FAM227B: variants seen among roughly 807,000 people sequenced by gnomAD.
The protein encoded by FAM227B is family with sequence similarity 227 member B.
A neutral mutation model predicts 73.8 loss-of-function variants in FAM227B; 88 were observed. That is an observed-to-expected ratio of 1.19 (90% CI 1.00 to 1.42). FAM227B has a LOEUF of 1.42. Ranked by LOEUF, FAM227B falls within the 40% of genes most tolerant of loss-of-function variation. FAM227B has a pLI of 0.00. For missense variants in FAM227B, 632 were observed against 590.9 expected, an observed-to-expected ratio of 1.07 and a Z score of -0.72; for synonymous variants, 210 against 190.5, an observed-to-expected ratio of 1.10 and a Z score of -0.84.
intron 5 of FAM227B, among the ~76,000 whole-genome samples, chr15:49,578,469 C>CATAGATAGATAG (rs141756297): frequency 0.082 from 12,365 of 151,428 alleles, 545 homozygotes; most frequent in East Asian, 0.13. Context: ...TATAGACAGA[C>CATAGATAGATAG]ATAGATAGAT....
At chr15:49,505,422 A>C (rs529196831) in intron 11 of FAM227B, among the ~76,000 whole-genome samples, 2 of 152,270 alleles carry the variant, frequency 1.3e-5, no homozygotes, top group African/African-American at 4.8e-5. Flanking sequence ...CAAAAAGCTG[A>C]AAAAACATGT....
intron 13 of FAM227B, among the ~76,000 whole-genome samples, chr15:49,345,161 AT>A (rs1226868448): frequency 5.9e-5 from 9 of 152,166 alleles, no homozygotes; most frequent in Non-Finnish European, 1.5e-5. Flanking sequence ...CTTTGAACAA[AT>A]TTTGGATTTT....
intron 11 of FAM227B, chr15:49,424,188 A>G (rs2049927846): frequency 1.0e-6 from 1 of 1,003,058 alleles, no homozygotes; most frequent in African/African-American, 1.6e-5. Flanking sequence ...CTCTTTCTTA[A>G]ATCAATCTAC....
At chr15:49,335,396 A>T (rs747363571) in intron 14 of FAM227B, 23 bp downstream of exon 14, 2 of 1,487,538 alleles carry the variant, frequency 1.3e-6, no homozygotes, top group East Asian at 4.5e-5. Flanking sequence ...TTTATATTTA[A>T]CAATAGTATA....
intron 10 of FAM227B, among the ~76,000 whole-genome samples, chr15:49,511,168 T>C (rs1285099615): frequency 1.3e-5 from 2 of 152,086 alleles, no homozygotes; most frequent in African/African-American, 2.4e-5. Flanking sequence ...TTGAATATAA[T>C]ATAGAGAATT....
At chr15:49,350,834 C>T (rs2042136532) in intron 13 of FAM227B, among the ~76,000 whole-genome samples, 1 of 152,088 alleles carries the variant, frequency 6.6e-6, no homozygotes. Context: ...GTGAGCTGGG[C>T]CAATGGTAGG....
chr15:49,520,770 A>G (rs1002179969), intron 10 of FAM227B, among the ~76,000 whole-genome samples: 13 of 152,070 alleles, frequency 8.5e-5, no homozygotes, highest in African/African-American at 2.9e-4. Context: ...TCCATGACAC[A>G]TGGAAGCTAC....
intron 14 of FAM227B, 108 bp downstream of exon 14, chr15:49,335,311 C>T (rs772419136): frequency 2.8e-5 from 19 of 685,318 alleles, no homozygotes; most frequent in Non-Finnish European, 4.8e-5. Flanking sequence ...GATGCTCAGA[C>T]ATGACTCTCC....
intron 11 of FAM227B, among the ~76,000 whole-genome samples, chr15:49,440,040 A>C (rs1222714067): frequency 6.6e-6 from 1 of 151,738 alleles, no homozygotes; most frequent in East Asian, 1.9e-4. Context: ...AGAAGCACTG[A>C]TCTAGTCTAT....
intron 1 of FAM227B, among the ~76,000 whole-genome samples, chr15:49,617,145 C>T (rs1364096658): frequency 6.6e-6 from 1 of 152,110 alleles, no homozygotes; most frequent in Non-Finnish European, 1.5e-5. Context: ...GGCTTTCTAT[C>T]ACCATTTTAA....
At chr15:49,340,875 T>TAAA (rs2040614653) in intron 13 of FAM227B, among the ~76,000 whole-genome samples, 1 of 152,226 alleles carries the variant, frequency 6.6e-6, no homozygotes, top group African/African-American at 2.4e-5. Context: ...TAGGTTTTCT[T>TAAA]CTAGGATTCT....
At chr15:49,619,786 T>C (rs2078552884) in intron 1 of FAM227B, among the ~76,000 whole-genome samples, 1 of 152,232 alleles carries the variant, frequency 6.6e-6, no homozygotes. Flanking sequence ...TTATAGACTT[T>C]GCTATTCTAC....
At chr15:49,561,173 GA>G (rs1267449715) in intron 9 of FAM227B, among the ~76,000 whole-genome samples, 1 of 152,074 alleles carries the variant, frequency 6.6e-6, no homozygotes, top group Non-Finnish European at 1.5e-5. Flanking sequence ...CAGGGTTGGA[GA>G]AAGATCTACC....
At chr15:49,353,229 G>A (rs959726228) in intron 13 of FAM227B, among the ~76,000 whole-genome samples, 3 of 152,100 alleles carry the variant, frequency 2.0e-5, no homozygotes, top group African/African-American at 7.2e-5. Context: ...TGGAGAAGAG[G>A]CTCAAATTTG....
At chr15:49,367,633 G>T in intron 12 of FAM227B, 25 bp from the exon 13 acceptor site, 4 of 1,529,406 alleles carry the variant, frequency 2.6e-6, no homozygotes, top group Non-Finnish European at 3.5e-6. Context: ...AAATAATCAA[G>T]ACAACGATTA....
chr15:49,577,954 T>C (rs1166106546), intron 5 of FAM227B, among the ~76,000 whole-genome samples: 7 of 152,326 alleles, frequency 4.6e-5, no homozygotes, highest in South Asian at 2.1e-4. Context: ...CCCTGGGAAA[T>C]AGACTCTCTG....
At chr15:49,406,540 C>T (rs886788000) in intron 11 of FAM227B, among the ~76,000 whole-genome samples, 1 of 151,954 alleles carries the variant, frequency 6.6e-6, no homozygotes, top group Non-Finnish European at 1.5e-5. Flanking sequence ...AGCTTCACTC[C>T]CACAGCAGCA....
At position 49,403,169 on chromosome 15, in the gene FAM227B, G is replaced by A. The variant is rs529164323; in HGVS notation, c.1013-31770C>T. Reference sequence around the variant, plus strand: ...GGATAAGCTTTTGGATGTGCTGCTCGATTTAGTTTGCCAGTATTTGGTTGA... The same window carrying A: ...GGATAAGCTTTTGGATGTGCTGCTCAATTTAGTTTGCCAGTATTTGGTTGA... On this transcript the variant is annotated intron_variant, in intron 11 of 15. Transcript: ENST00000299338. 9.2e-5 allele frequency among the ~76,000 whole-genome samples: 14 copies of A among 152,248 alleles called. No homozygotes were observed. In the South Asian group the frequency reaches 1.2e-3, roughly 14 times the overall value.
intron 11 of FAM227B, among the ~76,000 whole-genome samples, chr15:49,439,033 T>C (rs1305200008): frequency 6.6e-6 from 1 of 151,708 alleles, no homozygotes; most frequent in Non-Finnish European, 1.5e-5. Flanking sequence ...GCTGAGTGGG[T>C]TGGTCTTAGG....
Sources: gnomAD v4.1 joint callset for allele counts (sites outside exome capture counted in the v4.1 genomes callset) on GRCh38, gnomAD v4.1.1 for gene constraint, MANE v1.5 for transcripts, NCBI Gene and HGNC (gene_info 2026-07-23, HGNC 2026-07-21) for gene names.